Variants in THSD7A observed in about 807,000 individuals in gnomAD.
THSD7A encodes the protein thrombospondin type-1 domain-containing protein 7A.
THSD7A carries 96 observed loss-of-function variants against 231.3 expected under a neutral mutation model. The ratio of observed to expected loss-of-function variants is 0.41; its 90% confidence interval spans 0.35 to 0.49. The LOEUF is 0.49. THSD7A is among the 20% of genes least tolerant of loss of function. The pLI, the probability that THSD7A is intolerant of heterozygous loss-of-function variation, is 0.05. For synonymous variants in THSD7A, 940 were observed against 743.3 expected (o/e 1.26, Z -4.30); for missense variants, 2,290 against 2,070.2 (o/e 1.11, Z -2.06).
At chr7:11,726,084 A>T (rs1781535023) in intron 1 of THSD7A, among the ~76,000 whole-genome samples, 1 of 152,014 alleles carries the variant, frequency 6.6e-6, no homozygotes, top group African/African-American at 2.4e-5. Context: ...CTTTATAGAG[A>T]AACAAGATGA....
intron 13 of THSD7A, among the ~76,000 whole-genome samples, chr7:11,436,908 A>C (rs1189839695): frequency 6.6e-6 from 1 of 152,086 alleles, no homozygotes; most frequent in African/African-American, 2.4e-5. Flanking sequence ...TAAAAGATCA[A>C]AGGAGAGTCA....
chr7:11,564,431 G>C (rs78485851), intron 4 of THSD7A, among the ~76,000 whole-genome samples: 2 of 152,172 alleles, frequency 1.3e-5, no homozygotes, highest in Non-Finnish European at 2.9e-5. Flanking sequence ...ATATTTGAGC[G>C]ATGGGTCCTG....
chr7:11,823,696 T>C (rs1199644635), intron 1 of THSD7A, among the ~76,000 whole-genome samples: 1 of 152,118 alleles, frequency 6.6e-6, no homozygotes, highest in Non-Finnish European at 1.5e-5. Flanking sequence ...CATTTATAAG[T>C]ATTTTATTTT....
At chr7:11,686,871 G>GT (rs1371342372) in intron 1 of THSD7A, among the ~76,000 whole-genome samples, 1 of 151,714 alleles carries the variant, frequency 6.6e-6, no homozygotes, top group Non-Finnish European at 1.5e-5. Context: ...TGGGTACCAC[G>GT]TTTAGTACCT....
At chr7:11,812,252 T>C (rs1013942008) in intron 1 of THSD7A, among the ~76,000 whole-genome samples, 1 of 152,018 alleles carries the variant, frequency 6.6e-6, no homozygotes, top group African/African-American at 2.4e-5. Context: ...GGTGTTCAAT[T>C]TAAACTCCTG....
At chr7:11,781,351 A>T (rs1380772584) in intron 1 of THSD7A, among the ~76,000 whole-genome samples, 2 of 151,644 alleles carry the variant, frequency 1.3e-5, no homozygotes, top group Non-Finnish European at 2.9e-5. Context: ...GTTACCTGAG[A>T]GGCTGAGCCA....
chr7:11,577,265 G>C (rs1790954173), intron 4 of THSD7A, among the ~76,000 whole-genome samples: 2 of 152,090 alleles, frequency 1.3e-5, no homozygotes, highest in African/African-American at 2.4e-5. Context: ...TTTCTAAACA[G>C]ATCTAGCTGA....
At chr7:11,403,303 TG>T (rs1783472175) in intron 22 of THSD7A, among the ~76,000 whole-genome samples, 2 of 152,334 alleles carry the variant, frequency 1.3e-5, no homozygotes, top group African/African-American at 4.8e-5. Flanking sequence ...TGGTAAGACA[TG>T]AATTATTGAC....
In THSD7A at chr7:11,474,427, G is replaced by C; in HGVS notation, c.2159C>G (p.Thr720Arg). 1.2e-6 allele frequency: 2 copies of C among 1,613,570 alleles called. No homozygotes were observed. The highest frequency in any genetic ancestry group is 4.5e-5 in the East Asian group (2 of 44,846). ...GCAGGAGGCCTCCCCATTCCAAGTCGTAGTTGTGTTGAAGGACGATACTGA... is the reference window on the plus strand; with the variant it reads ...GCAGGAGGCCTCCCCATTCCAAGTCCTAGTTGTGTTGAAGGACGATACTGA... ...DTSVSSFNTT[T>R]TWNGEASCSV... The change falls in exon 8 of 28, where the codon ACG (threonine) becomes AGG (arginine). Residue 720 changes from threonine (T) to arginine (R), a missense_variant. Physicochemically the swap from Thr to Arg is moderately conservative, Grantham distance 71. Coordinates refer to ENST00000423059, the MANE Select transcript of THSD7A (RefSeq NM_015204.3). The surrounding 1 kb of genome is among the most constrained non-coding windows in gnomAD (Gnocchi z 4.1).
chr7:11,479,089 C>A (rs1023781613), intron 7 of THSD7A, among the ~76,000 whole-genome samples: 10 of 152,142 alleles, frequency 6.6e-5, no homozygotes, highest in Non-Finnish European at 1.2e-4. Context: ...AATATTGTGA[C>A]ATTTCATGAA....
chr7:11,494,000 G>C (rs1294069223), intron 6 of THSD7A, among the ~76,000 whole-genome samples: 1 of 151,946 alleles, frequency 6.6e-6, no homozygotes, highest in Non-Finnish European at 1.5e-5. Context: ...ATACACCTTA[G>C]TATAATTTTA....
chr7:11,785,380 T>G (rs547331587), intron 1 of THSD7A, among the ~76,000 whole-genome samples: 1 of 152,106 alleles, frequency 6.6e-6, no homozygotes, highest in African/African-American at 2.4e-5. Context: ...GGACTTCAGA[T>G]GAACCCTGCC....
chr7:11,424,706 G>C lies in THSD7A; in HGVS notation c.3373C>G (p.Arg1125Gly). ...RENCGEGVQT[R>G]KVRCMQNTAD... ...TAGGCTTTGTCTTACCTCACTTTTC[G>C]GGTTTGCACGCCCTCTCCACAGTTC... Residue 1125 changes from arginine (R) to glycine (G), a missense_variant, in exon 16 of 28, where the codon CGA becomes GGA. Arg to Gly is a moderately radical substitution (Grantham distance 125). Coordinates refer to ENST00000423059, the MANE Select transcript of THSD7A (RefSeq NM_015204.3). The C allele has an allele frequency of 1.9e-6, 3 of 1,613,760 alleles. No individual in the cohort carries two copies. The highest frequency in any genetic ancestry group is 1.7e-4 in the Middle Eastern group (1 of 6,060).
At chr7:11,780,577 G>C (rs567318305) in intron 1 of THSD7A, among the ~76,000 whole-genome samples, 1 of 152,142 alleles carries the variant, frequency 6.6e-6, no homozygotes, top group Non-Finnish European at 1.5e-5. Context: ...GAATTCTCTA[G>C]CTCCAGTCAA....
chr7:11,638,059 C>G (rs1480394134), intron 1 of THSD7A, among the ~76,000 whole-genome samples: 1 of 152,140 alleles, frequency 6.6e-6, no homozygotes, highest in Non-Finnish European at 1.5e-5. Flanking sequence ...GGGGTGGGCT[C>G]TAGTGCCCCT....
rs573581589 is a variant in THSD7A at position 11,463,583 on chromosome 7, G to A, written c.2369-1440C>T. On this transcript the variant is annotated intron_variant, in intron 9 of 27. Transcript: ENST00000423059. ...GTAACTTTTTAGAATTATTATTCCC[G>A]TTGTGGGGTGTCGTCTGTACTATTA... is the stretch of plus-strand genomic sequence containing the variant. 2.0e-4 allele frequency among the ~76,000 whole-genome samples: 31 copies of A among 152,206 alleles called. No individual in the cohort carries two copies. The Middle Eastern group carries it at 0.014, about 67-fold the overall frequency.
intron 6 of THSD7A, among the ~76,000 whole-genome samples, chr7:11,534,060 G>A (rs929495418): frequency 6.6e-6 from 1 of 152,130 alleles, no homozygotes; most frequent in Non-Finnish European, 1.5e-5. Context: ...TGATTCAAGA[G>A]TAGCTACATT....
chr7:11,487,367 T>C (rs971442287), intron 6 of THSD7A, among the ~76,000 whole-genome samples: 2 of 152,182 alleles, frequency 1.3e-5, no homozygotes, highest in African/African-American at 4.8e-5. Context: ...GAAAGTTTAT[T>C]GCATTTATCG....
At chr7:11,497,952 T>C (rs1187988505) in intron 6 of THSD7A, among the ~76,000 whole-genome samples, 1 of 152,064 alleles carries the variant, frequency 6.6e-6, no homozygotes, top group African/African-American at 2.4e-5. Context: ...AACCCTTGGG[T>C]TAGGAGATCT....
Sources: allele counts gnomAD v4.1 joint callset (sites outside exome capture counted in the v4.1 genomes callset), GRCh38; gene constraint gnomAD v4.1.1; non-coding constraint Gnocchi (gnomAD v3.1); transcripts MANE v1.5; gene names NCBI Gene and HGNC (gene_info 2026-07-23, HGNC 2026-07-21).